The following TENM4 variants were observed in gnomAD, a reference collection of about 807,000 sequenced individuals.
TENM4 encodes the protein teneurin transmembrane protein 4, also known as teneurin-4.
In TENM4, 82 loss-of-function variants were observed where a neutral mutation model predicts 243.3. That is an observed-to-expected ratio of 0.34 (90% CI 0.28 to 0.40). The LOEUF (loss-of-function observed/expected upper bound fraction) is 0.40. TENM4 is among the 10% of genes least tolerant of loss of function. The pLI is 1.00. For missense variants in TENM4, 3,138 were observed against 3,673.3 expected (o/e 0.85, Z 3.77); for synonymous variants, 1,412 against 1,456.3 (o/e 0.97, Z 0.69).
intron 6 of TENM4, among the ~76,000 whole-genome samples, chr11:79,043,140 C>G (rs1258817157): frequency 6.6e-6 from 1 of 152,226 alleles, no homozygotes; most frequent in East Asian, 1.9e-4. Context: ...TCCTCTTCCC[C>G]CTCTCCAACA....
Position 78,656,538 on chromosome 11 carries a change from G to C in TENM4, c.*1520C>G, listed in dbSNP as rs1418315595. The C allele has an allele frequency of 6.6e-6, 1 of 152,656 alleles. No homozygotes were observed. Among genetic ancestry groups the C allele is most frequent in the Non-Finnish European group, 1.5e-5 (1 of 68,404 alleles). The allele number at this position is 152,656 out of a possible 1,614,324, so 9.5% of individuals were successfully genotyped here. A position where few individuals can be genotyped will look rare whatever the true frequency, so the allele number is the denominator to read the frequency against. ...TGCTGGCTGCTGCCTCAGCTTGGGC[G>C]TGCTCTTCAGGTGTGGGCTGTCCCT... is the stretch of plus-strand genomic sequence containing the variant. On this transcript the variant is annotated 3_prime_UTR_variant, in exon 34 of 34. Coordinates refer to ENST00000278550, the MANE Select transcript of TENM4 (RefSeq NM_001098816.3).
At chr11:78,741,769 A>G (rs1415939487) in intron 19 of TENM4, among the ~76,000 whole-genome samples, 1 of 152,178 alleles carries the variant, frequency 6.6e-6, no homozygotes, top group Non-Finnish European at 1.5e-5. Context: ...AGATGTGGCT[A>G]AGAAATAGTT....
At chr11:78,764,793 A>C (rs11821724) in intron 18 of TENM4, among the ~76,000 whole-genome samples, 9,347 of 152,216 alleles carry the variant, frequency 0.061, 985 homozygotes, top group African/African-American at 0.21. Flanking sequence ...GAGACAATTG[A>C]GTGCTGGAGA....
chr11:78,805,281 C>CACCCACCCAA lies in TENM4; in HGVS notation c.2179+10_2179+11insTTGGGTGGGT. The CACCCACCCAA allele has an allele frequency of 6.7e-7, 1 of 1,488,494 alleles. No homozygotes were observed. The highest frequency in any genetic ancestry group is 9.1e-7 in the Non-Finnish European group (1 of 1,097,816). 92.2% of individuals were successfully genotyped at this position (1,488,494 alleles called of 1,614,324 possible). ...TCCCTCTACCCATGCTTCTTCTCCC[C>CACCCACCCAA]CTGCATTTACCGATAGAACAGTCGT... On this transcript the variant is annotated intron_variant, in intron 15 of 33. Transcript: ENST00000278550.
chr11:78,791,943 A>G (rs1235338749), intron 15 of TENM4, among the ~76,000 whole-genome samples: 1 of 152,160 alleles, frequency 6.6e-6, no homozygotes, highest in African/African-American at 2.4e-5. Context: ...AAGTACTAGG[A>G]GTACACAAGC....
intron 6 of TENM4, among the ~76,000 whole-genome samples, chr11:79,064,346 G>C (rs1291655210): frequency 1.3e-5 from 2 of 152,180 alleles, no homozygotes; most frequent in Admixed American, 1.3e-4. Flanking sequence ...GCCCAGGACA[G>C]CTGAGCACCT....
intron 20 of TENM4, among the ~76,000 whole-genome samples, chr11:78,738,163 G>A (rs1265744281): frequency 6.6e-6 from 1 of 152,148 alleles, no homozygotes; most frequent in Non-Finnish European, 1.5e-5. Context: ...AAAGTGGTTC[G>A]CATGACTGTT....
At chr11:79,422,984 T>G (rs1223219789) in intron 1 of TENM4, among the ~76,000 whole-genome samples, 1 of 152,326 alleles carries the variant, frequency 6.6e-6, no homozygotes, top group African/African-American at 2.4e-5. Context: ...CTTTGCATCC[T>G]GTCTTCTAAA....
At chr11:79,298,263 C>T (rs1328697722) in intron 1 of TENM4, among the ~76,000 whole-genome samples, 2 of 152,076 alleles carry the variant, frequency 1.3e-5, no homozygotes, top group Non-Finnish European at 2.9e-5. Flanking sequence ...AAACAGGAAT[C>T]CCAGCACTTT....
intron 27 of TENM4, among the ~76,000 whole-genome samples, chr11:78,702,610 C>T (rs1026139476): frequency 6.6e-6 from 1 of 152,172 alleles, no homozygotes; most frequent in African/African-American, 2.4e-5. Context: ...ATGTGATGGT[C>T]TCATTAGACT....
rs76216177 is a variant in TENM4 at position 78,690,681 on chromosome 11, A to G, written c.5088-2455T>C. Among the ~76,000 whole-genome samples the G allele has an allele frequency of 6.1e-3, 933 of 152,274 alleles. 1 individual carries two copies. The highest frequency in any genetic ancestry group is 0.02 in the Middle Eastern group (6 of 294). ...CTAGGGTACTCCAAGTTTTTGAGCT[A>G]AAAATCAAGACCCCCAAAACTGGTT... On this transcript the variant is annotated intron_variant, in intron 28 of 33. Coordinates refer to ENST00000278550, the MANE Select transcript of TENM4 (RefSeq NM_001098816.3).
At chr11:79,159,646 T>C (rs532953847) in intron 3 of TENM4, among the ~76,000 whole-genome samples, 71 of 152,274 alleles carry the variant, frequency 4.7e-4, no homozygotes, top group Middle Eastern at 6.8e-3. Flanking sequence ...CTGACCCAGA[T>C]GTTGAGCCTC....
intron 4 of TENM4, among the ~76,000 whole-genome samples, chr11:79,131,575 T>C (rs1353715399): frequency 6.6e-6 from 1 of 152,092 alleles, no homozygotes; most frequent in African/African-American, 2.4e-5. Context: ...AAACAGAACT[T>C]CTTTAAAGCA....
chr11:79,098,351 C>T (rs1483136202), intron 4 of TENM4, among the ~76,000 whole-genome samples: 3 of 152,154 alleles, frequency 2.0e-5, no homozygotes, highest in African/African-American at 7.2e-5. Flanking sequence ...GGGCCCTTCT[C>T]CTGACCCCTG....
At chr11:79,429,086 C>T (rs1401124159) in intron 1 of TENM4, among the ~76,000 whole-genome samples, 1 of 152,096 alleles carries the variant, frequency 6.6e-6, no homozygotes, top group Non-Finnish European at 1.5e-5. Context: ...GACAGCAGCT[C>T]AGAGAAACAG....
intron 6 of TENM4, among the ~76,000 whole-genome samples, chr11:78,999,728 G>A (rs942453302): frequency 1.3e-5 from 2 of 152,010 alleles, no homozygotes; most frequent in Non-Finnish European, 2.9e-5. Flanking sequence ...AAGGAAAGCA[G>A]TCAATAGAAA....
intron 4 of TENM4, among the ~76,000 whole-genome samples, chr11:79,133,657 A>T (rs1369629646): frequency 1.3e-5 from 2 of 152,212 alleles, no homozygotes; most frequent in Non-Finnish European, 2.9e-5. Flanking sequence ...AATTCACCTG[A>T]TCAAGTGGGT....
intron 19 of TENM4, among the ~76,000 whole-genome samples, chr11:78,743,120 T>G (rs1314128970): frequency 6.6e-6 from 1 of 152,226 alleles, no homozygotes; most frequent in Non-Finnish European, 1.5e-5. Context: ...CTTCAGAATC[T>G]TAATGGAGCT....
At chr11:79,187,383 A>G (rs1377310227) in intron 3 of TENM4, among the ~76,000 whole-genome samples, 1 of 152,180 alleles carries the variant, frequency 6.6e-6, no homozygotes, top group African/African-American at 2.4e-5. Flanking sequence ...CTCCTGCTCA[A>G]CCCATGCATG....
Sources: gnomAD v4.1 joint callset for allele counts (sites outside exome capture counted in the v4.1 genomes callset) on GRCh38, gnomAD v4.1.1 for gene constraint, MANE v1.5 for transcripts, NCBI Gene and HGNC (gene_info 2026-07-23, HGNC 2026-07-21) for gene names.